ZNF540: variants seen among roughly 807,000 people sequenced by gnomAD.
ZNF540 encodes the protein CTD-3064H18.6.
In ZNF540, 3 loss-of-function variants were observed where a neutral mutation model predicts 11.8. That is an observed-to-expected ratio of 0.25 (90% CI 0.12 to 0.65). ZNF540 has a LOEUF of 0.65. ZNF540 is among the 30% of genes least tolerant of loss of function. ZNF540 has a pLI of 0.83. For synonymous variants in ZNF540, 247 were observed against 259.0 expected, an observed-to-expected ratio of 0.95 and a Z score of 0.45; for missense variants, 709 against 793.1, an observed-to-expected ratio of 0.89 and a Z score of 1.27.
intron 1 of ZNF540, among the ~76,000 whole-genome samples, chr19:37,552,547 A>T (rs2042616645): frequency 6.6e-6 from 1 of 152,172 alleles, no homozygotes; most frequent in South Asian, 2.1e-4. Flanking sequence ...TACTAGGCAC[A>T]AGTACTTGTA....
At chr19:37,604,069 G>A (rs967347755) in intron 4 of ZNF540, among the ~76,000 whole-genome samples, 5 of 151,672 alleles carry the variant, frequency 3.3e-5, no homozygotes, top group African/African-American at 4.8e-5. Context: ...CTCTTTTCTC[G>A]AGTAGCTAAA....
At chr19:37,556,152 C>A (rs574631017) in intron 1 of ZNF540, 1 of 702,026 alleles carries the variant, frequency 1.4e-6, no homozygotes, top group African/African-American at 1.7e-5. Flanking sequence ...TTCGCGGGTA[C>A]GGGCTGGCTC....
chr19:37,551,712 G>A (rs1257283125), intron 1 of ZNF540: 1 of 152,542 alleles, frequency 6.6e-6, no homozygotes, highest in African/African-American at 2.4e-5. Context: ...TCTCCGGGGA[G>A]GGGCTTCTGG....
chr19:37,556,043 AC>A, intron 1 of ZNF540: 1 of 702,658 alleles, frequency 1.4e-6, no homozygotes, highest in Non-Finnish European at 2.6e-6. Flanking sequence ...CTTTTTCTGC[AC>A]CTTTGGAGCT....
intron 4 of ZNF540, among the ~76,000 whole-genome samples, chr19:37,603,917 G>A (rs2044060332): frequency 6.6e-6 from 1 of 151,744 alleles, no homozygotes; most frequent in African/African-American, 2.4e-5. Context: ...GAAATTCTTG[G>A]GCTGTATATA....
chr19:37,587,844 C>T (rs762227383), intron 1 of ZNF540, among the ~76,000 whole-genome samples: 19 of 151,964 alleles, frequency 1.3e-4, no homozygotes, highest in South Asian at 2.1e-4. Context: ...GTTGGCTGCA[C>T]GCAGTGGCTC....
chr19:37,565,143 TA>T (rs1226646643), intron 1 of ZNF540: 1 of 1,613,334 alleles, frequency 6.2e-7, no homozygotes, highest in Admixed American at 1.7e-5. Context: ...TTGCCACAAA[TA>T]AAGGCCTTTC....
In ZNF540 at chr19:37,601,036, A is replaced by G; in HGVS notation, c.163A>G (p.Ile55Val). Residue 55 changes from isoleucine (I) to valine (V), a missense_variant, in exon 4 of 5, where the codon ATT becomes GTT. Physicochemically the swap from Ile to Val is conservative, Grantham distance 29 (BLOSUM62 3). Coordinates refer to ENST00000316433, the MANE Select transcript of ZNF540 (RefSeq NM_001172225.3). ...ATATTCTGGCTCAAAGCCAGATGTG[A>G]TTACCTTACTGGAGCAAGGGAAAGA... ...LGYSGSKPDVITLLEQGKEPC... is the reference protein window; with the variant it reads ...LGYSGSKPDVVTLLEQGKEPC... 1.3e-6 allele frequency: 2 copies of G among 1,589,686 alleles called. No individual in the cohort carries two copies. The highest frequency in any genetic ancestry group is 1.1e-5 in the South Asian group (1 of 87,354).
At chr19:37,558,065 A>C (rs1044898622) in intron 1 of ZNF540, among the ~76,000 whole-genome samples, 2 of 152,148 alleles carry the variant, frequency 1.3e-5, no homozygotes, top group Non-Finnish European at 2.9e-5. Context: ...GGGAGGGCTA[A>C]AGCAGGGGCT....
upstream of ZNF540, among the ~76,000 whole-genome samples, chr19:37,592,334 T>G (rs185123236): frequency 6.6e-6 from 1 of 152,286 alleles, no homozygotes; most frequent in East Asian, 1.9e-4. Flanking sequence ...CTTCTAAAAT[T>G]TTTCACGGTC....
intron 1 of ZNF540, among the ~76,000 whole-genome samples, chr19:37,557,770 T>G (rs1218570036): frequency 6.6e-6 from 1 of 152,186 alleles, no homozygotes; most frequent in African/African-American, 2.4e-5. Context: ...TGCGAGCATT[T>G]GACATCCATT....
intron 1 of ZNF540, among the ~76,000 whole-genome samples, chr19:37,566,870 A>C (rs1172442794): frequency 6.6e-6 from 1 of 152,166 alleles, no homozygotes; most frequent in African/African-American, 2.4e-5. Context: ...TAAAATCCAA[A>C]GTCCTTAATA....
rs1281167772 is a variant in ZNF540, at chr19:37,599,682, C to T, written c.66C>T (p.Cys22=). 1.2e-6 allele frequency: 2 copies of T among 1,613,364 alleles called. No homozygotes were observed. Among genetic ancestry groups the T allele is most frequent in the Admixed American group, 1.7e-5 (1 of 59,974 alleles). ...ACTTCTCTCAGAAGGAATGGGAGTG[C>T]CTGGACACTACCCAGAGGAAATTGT... ...AIDFSQKEWE[C]LDTTQRKLYR... The change falls in exon 3 of 5, where the codon TGC becomes TGT. Residue 22 remains cysteine (C), a synonymous_variant. Coordinates refer to ENST00000316433, the MANE Select transcript of ZNF540 (RefSeq NM_001172225.3).
intron 1 of ZNF540, among the ~76,000 whole-genome samples, chr19:37,581,525 G>A (rs2043464516): frequency 6.6e-6 from 1 of 150,670 alleles, no homozygotes; most frequent in African/African-American, 2.4e-5. Flanking sequence ...AAATGCAGTG[G>A]CGTGATCATG....
chr19:37,597,860 C>T (rs573480215), intron 1 of ZNF540, among the ~76,000 whole-genome samples: 11 of 152,388 alleles, frequency 7.2e-5, no homozygotes, highest in Admixed American at 7.2e-4. Flanking sequence ...AACACATGAG[C>T]ATAGCTGTGT....
intron 1 of ZNF540, among the ~76,000 whole-genome samples, chr19:37,578,683 C>A (rs55865869): frequency 6.6e-6 from 1 of 151,768 alleles, no homozygotes; most frequent in Non-Finnish European, 1.5e-5. Flanking sequence ...ACCCTGTCCC[C>A]ACCTGAACTC....
chr19:37,599,393 A>G (rs1482302096), intron 2 of ZNF540, among the ~76,000 whole-genome samples: 1 of 152,112 alleles, frequency 6.6e-6, no homozygotes, highest in African/African-American at 2.4e-5. Context: ...TAGTTAAAGA[A>G]CCCCATAATA....
chr19:37,575,236 GATA>G (rs1054432173), intron 1 of ZNF540, among the ~76,000 whole-genome samples: 1 of 152,114 alleles, frequency 6.6e-6, no homozygotes, highest in African/African-American at 2.4e-5. Context: ...TGCTTTTCCT[GATA>G]ATAATGTACT....
chr19:37,609,713 TG>T (rs1171725257), intron 4 of ZNF540, among the ~76,000 whole-genome samples: 3 of 151,386 alleles, frequency 2.0e-5, no homozygotes, highest in African/African-American at 7.3e-5. Flanking sequence ...CTGGGTTTGG[TG>T]GCATGCACCT....
Sources: gnomAD v4.1 joint callset for allele counts (sites outside exome capture counted in the v4.1 genomes callset) on GRCh38, gnomAD v4.1.1 for gene constraint, MANE v1.5 for transcripts, NCBI Gene and HGNC (gene_info 2026-07-23, HGNC 2026-07-21) for gene names.